The following FHAD1 variants were observed in gnomAD, a reference collection of about 807,000 sequenced individuals.
FHAD1 encodes the protein forkhead associated phosphopeptide binding domain 1, also known as forkhead-associated domain-containing protein 1.
FHAD1 carries 146 observed loss-of-function variants against 191.3 expected under a neutral mutation model. The observed-to-expected ratio is 0.76, with a 90% confidence interval of 0.67 to 0.88. FHAD1 has a LOEUF of 0.88. Among genes scored for constraint, FHAD1 ranks in the 40% least tolerant of loss-of-function variants. FHAD1 has a pLI of 0.00. For synonymous variants in FHAD1, 616 were observed against 672.3 expected, an observed-to-expected ratio of 0.92 and a Z score of 1.29; for missense variants, 1,635 against 1,785.8, an observed-to-expected ratio of 0.92 and a Z score of 1.52.
chr1:15,334,918 C>T (rs577201608), intron 14 of FHAD1, among the ~76,000 whole-genome samples: 5 of 152,294 alleles, frequency 3.3e-5, no homozygotes, highest in African/African-American at 1.2e-4. Flanking sequence ...CAGTGGGCCT[C>T]GGGTCCCGGC....
intron 33 of FHAD1, among the ~76,000 whole-genome samples, chr1:15,394,079 C>A (rs1200684094): frequency 6.6e-6 from 1 of 152,198 alleles, no homozygotes; most frequent in Admixed American, 6.5e-5. Context: ...CCTGCCTTTT[C>A]ATTCTAAGGG....
Position 15,357,625 on chromosome 1 carries a change from C to CAA in FHAD1, c.2563-464_2563-463dup, listed in dbSNP as rs71000395. On this transcript the variant is annotated intron_variant, in intron 20 of 33. Coordinates refer to ENST00000688493, the MANE Select transcript of FHAD1 (RefSeq NM_001391957.1). ...GTGACAATGCGAGACTCCTCCGTCT[C>CAA]AAAAAAAAAAAAAAAAAAAAAAGGA... Among the ~76,000 whole-genome samples the CAA allele has an allele frequency of 6.7e-4, 51 of 75,994 alleles. No individual in the cohort carries two copies. The South Asian group carries it at 0.011, about 17-fold the overall frequency. The allele number at this position is 75,994 out of a possible 152,430, so 49.9% of individuals were successfully genotyped here.
intron 2 of FHAD1, among the ~76,000 whole-genome samples, chr1:15,266,641 A>G (rs7526385): frequency 0.16 from 24,053 of 152,094 alleles, 2,261 homozygotes; most frequent in Middle Eastern, 0.22. Flanking sequence ...TCACGTTATA[A>G]AGTTCTGTGG....
intron 8 of FHAD1, 96 bp downstream of exon 8, chr1:15,313,283 T>C (rs1672858252): frequency 1.5e-6 from 2 of 1,300,734 alleles, no homozygotes; most frequent in Admixed American, 5.7e-5. Context: ...CCTGGGCCCT[T>C]AGTTTAAATT....
In FHAD1 at chr1:15,397,297, G is replaced by A. The variant is rs1460979918; in HGVS notation, c.4324G>A (p.Val1442Ile). Reference sequence around the variant, plus strand: ...GTGTTTTTTCTCTTGCTTGTTAAAGGTTGGAACCAGAAAAGCCTCCCTAAA... The same window carrying A: ...GTGTTTTTTCTCTTGCTTGTTAAAGATTGGAACCAGAAAAGCCTCCCTAAA... Reference protein sequence around the residue: ...KNRMQNSNSQVGTRKASLKMD... With the variant: ...KNRMQNSNSQIGTRKASLKMD... Residue 1442 changes from valine (V) to isoleucine (I), a missense_variant and splice_region_variant, in exon 34 of 34, where the codon GTT becomes ATT. Coordinates refer to ENST00000688493, the MANE Select transcript of FHAD1 (RefSeq NM_001391957.1). 6.7e-7 allele frequency: 1 copy of A among 1,495,158 alleles called. No homozygotes were observed. Among genetic ancestry groups the A allele is most frequent in the Non-Finnish European group, 9.1e-7 (1 of 1,103,040 alleles). 92.6% of individuals were successfully genotyped at this position (1,495,158 alleles called of 1,614,324 possible).
intron 1 of FHAD1, among the ~76,000 whole-genome samples, chr1:15,237,482 C>T (rs1347153516): frequency 6.6e-6 from 1 of 152,164 alleles, no homozygotes; most frequent in Non-Finnish European, 1.5e-5. Flanking sequence ...CAAAGCCCTT[C>T]CTGACCCCAC....
chr1:15,354,289 G>A (rs574189218), intron 20 of FHAD1, among the ~76,000 whole-genome samples: 1 of 152,322 alleles, frequency 6.6e-6, no homozygotes, highest in African/African-American at 2.4e-5. Flanking sequence ...AGCAGCCCAA[G>A]TGGCGCTGAT....
At chr1:15,351,341 T>C (rs548313827) in intron 19 of FHAD1, among the ~76,000 whole-genome samples, 2 of 152,072 alleles carry the variant, frequency 1.3e-5, no homozygotes, top group South Asian at 4.1e-4. Flanking sequence ...TGAGACTCCA[T>C]CTCAAAAAAA....
intron 12 of FHAD1, 56 bp from the exon 13 acceptor site, chr1:15,328,221 C>T: frequency 7.2e-7 from 1 of 1,393,098 alleles, no homozygotes; most frequent in Middle Eastern, 1.9e-4. Flanking sequence ...CTCAGGGCCC[C>T]CCACCCCTGT....
At chr1:15,293,487 A>T (rs922935058) in intron 4 of FHAD1, among the ~76,000 whole-genome samples, 3 of 152,162 alleles carry the variant, frequency 2.0e-5, no homozygotes, top group African/African-American at 7.2e-5. Context: ...TGGGAGGCCA[A>T]GGAGGGCGAA....
At position 15,272,338 on chromosome 1, in the gene FHAD1, A is replaced by C. The variant is rs1309626502; in HGVS notation, c.109A>C (p.Asn37His). The C allele has an allele frequency of 1.3e-6, 2 of 1,550,378 alleles. No individual in the cohort carries two copies. The highest frequency in any genetic ancestry group is 4.9e-5 in the East Asian group (2 of 40,876). ...DLVLQSPDID[N>H]HHALIEYNEA... The stretch of plus-strand genomic sequence containing the variant: ...TCCGTTGCAGTCTCCTGACATCGAC[A>C]ACCACCATGCACTCATTGAATATAA... The change falls in exon 3 of 34, where the codon AAC (asparagine) becomes CAC (histidine). Residue 37 changes from asparagine to histidine, a missense_variant. Transcript: ENST00000688493.
Position 15,313,138 on chromosome 1 carries a change from A to G in FHAD1, c.1121A>G (p.Lys374Arg). The change falls in exon 8 of 34, where the codon AAA becomes AGA. Residue 374 changes from lysine to arginine, a missense_variant. Coordinates refer to ENST00000688493, the MANE Select transcript of FHAD1 (RefSeq NM_001391957.1). ...QQLKEEVSHL[K>R]SQNKDKDHQL... is the part of the protein sequence containing the mutation. ...CTAAAGGAAGAGGTCAGTCACCTAA[A>G]AAGTCAGAACAAGGACAAGGACCAC... The G allele has an allele frequency of 6.4e-7, 1 of 1,551,960 alleles. No homozygotes were observed. The highest frequency in any genetic ancestry group is 8.7e-7 in the Non-Finnish European group (1 of 1,147,052).
At chr1:15,362,984 T>G (rs1188680769) in intron 23 of FHAD1, among the ~76,000 whole-genome samples, 2 of 152,240 alleles carry the variant, frequency 1.3e-5, no homozygotes, top group Non-Finnish European at 2.9e-5. Flanking sequence ...GGCAGGGCAG[T>G]GTCGTGGAAA....
intron 18 of FHAD1, among the ~76,000 whole-genome samples, chr1:15,346,636 T>C (rs559101890): frequency 7.1e-4 from 108 of 152,352 alleles, no homozygotes; most frequent in African/African-American, 2.5e-3. Context: ...AAACTAGCTT[T>C]TGGGAAAGCT....
chr1:15,342,203 A>G lies in FHAD1; in HGVS notation c.2130+315A>G, dbSNP rs72866707. ...GCAGGTCCTGGTTTGTAGCTGACAG[A>G]CTGTTTCTAAATGTGCGCAAGATCA... is the stretch of plus-strand genomic sequence containing the variant. On this transcript the variant is annotated intron_variant, in intron 16 of 33. Transcript: ENST00000688493. 3.4e-3 allele frequency among the ~76,000 whole-genome samples: 513 copies of G among 152,306 alleles called. 2 individuals are homozygous for G. The highest frequency in any genetic ancestry group is 0.012 in the African/African-American group (479 of 41,560).
Position 15,345,462 on chromosome 1 carries a change from C to T in FHAD1, c.2285C>T (p.Ala762Val), listed in dbSNP as rs1261129204. Residue 762 changes from alanine to valine, a missense_variant, in exon 18 of 34, where the codon GCA (alanine) becomes GTA (valine). By Grantham distance (64) the Ala-to-Val change is moderately conservative. Transcript: ENST00000688493. ...ITQEKNRVKE[A>V]LEEEQTRVQE... ...CAGGAGAAGAACAGAGTGAAGGAAGCATTAGAGGAAGAGCAGACAAGAGTC... is the reference window on the plus strand; with the variant it reads ...CAGGAGAAGAACAGAGTGAAGGAAGTATTAGAGGAAGAGCAGACAAGAGTC... 5.2e-6 allele frequency: 8 copies of T among 1,552,298 alleles called. No individual in the cohort carries two copies. The highest frequency in any genetic ancestry group is 7.0e-6 in the Non-Finnish European group (8 of 1,147,126).
At chr1:15,314,785 ATGTGTGGTGTGGGGGTGAATGGG>A (rs1410081561) in intron 8 of FHAD1, among the ~76,000 whole-genome samples, 1 of 64,490 alleles carries the variant, frequency 1.6e-5, no homozygotes, top group Non-Finnish European at 3.1e-5. Context: ...GGGGGTATGG[ATGTGTGGTGTGGGGGTGAATGGG>A]TGTGTGGGGG....
At chr1:15,291,605 AC>A (rs1664798155) in intron 4 of FHAD1, among the ~76,000 whole-genome samples, 4 of 152,208 alleles carry the variant, frequency 2.6e-5, no homozygotes, top group Admixed American at 2.6e-4. Flanking sequence ...AATTACCCTA[AC>A]ATATAGCACC....
upstream of FHAD1, among the ~76,000 whole-genome samples, chr1:15,242,408 T>A (rs1027346498): frequency 6.6e-6 from 1 of 152,180 alleles, no homozygotes; most frequent in Non-Finnish European, 1.5e-5. Flanking sequence ...TAAATAAAAC[T>A]GTGCATGACA....
Sources: allele counts gnomAD v4.1 joint callset (sites outside exome capture counted in the v4.1 genomes callset), GRCh38; gene constraint gnomAD v4.1.1; transcripts MANE v1.5; gene names NCBI Gene and HGNC (gene_info 2026-07-23, HGNC 2026-07-21).